ZSCAN30: variants seen among roughly 807,000 people sequenced by gnomAD.
ZSCAN30 encodes zinc finger and SCAN domain-containing protein 30.
A neutral mutation model predicts 44.3 loss-of-function variants in ZSCAN30; 37 were observed. The observed-to-expected ratio is 0.84, with a 90% CI of 0.64 to 1.10. ZSCAN30 has a LOEUF of 1.10. Ranked by LOEUF, ZSCAN30 falls within the 50% of genes least tolerant of loss-of-function variation. The pLI, the probability that ZSCAN30 is intolerant of heterozygous loss-of-function variation, is 0.00. For synonymous variants in ZSCAN30, 181 were observed against 204.6 expected (o/e 0.88, Z 0.98); for missense variants, 549 against 582.6 (o/e 0.94, Z 0.59).
intron 3 of ZSCAN30, chr18:35,257,579 A>G (rs559650076): frequency 3.5e-6 from 1 of 281,816 alleles, no homozygotes; most frequent in East Asian, 7.9e-5. Flanking sequence ...AGCACCTTGA[A>G]CTTCTCAGCC....
In ZSCAN30 at chr18:35,253,784, G is replaced by C; in HGVS notation, c.1151C>G (p.Pro384Arg). ...CTTCCCACATTCTCCACATTCATAA[G>C]GCTTCTCTCCAGTGTGGATTCTCCG... ...RHRRIHTGEKPYECGECGKAF... is the reference protein window; with the variant it reads ...RHRRIHTGEKRYECGECGKAF... Residue 384 changes from proline to arginine, a missense_variant, in exon 4 of 4, where the codon CCT becomes CGT. Transcript: ENST00000333206. 1 of 1,614,064 alleles carries C rather than the reference G, an allele frequency of 6.2e-7. No individual in the cohort carries two copies. Among genetic ancestry groups the C allele is most frequent in the Non-Finnish European group, 8.5e-7 (1 of 1,179,988 alleles).
At chr18:35,278,412 G>A (rs1277034770) in intron 1 of ZSCAN30, among the ~76,000 whole-genome samples, 1 of 152,108 alleles carries the variant, frequency 6.6e-6, no homozygotes, top group East Asian at 1.9e-4. Flanking sequence ...AGTGTTTCTG[G>A]TGATAGCATT....
chr18:35,252,574 C>T lies in ZSCAN30; in HGVS notation c.*876G>A, dbSNP rs946739299. The T allele has an allele frequency of 4.6e-5, 7 of 152,138 alleles. No homozygotes were observed. Among genetic ancestry groups the T allele is most frequent in the African/African-American group, 1.7e-4 (7 of 41,414 alleles). The allele number at this position is 152,138 out of a possible 1,614,324, so 9.4% of individuals were successfully genotyped here. A position where few individuals can be genotyped will look rare whatever the true frequency, so the allele number is the denominator to read the frequency against. ...GAGTCTTCATGGAGTGTCTCCAGATCCTGTTCTCTTCTCCCCTGCCCTTGC... is the reference window on the plus strand; with the variant it reads ...GAGTCTTCATGGAGTGTCTCCAGATTCTGTTCTCTTCTCCCCTGCCCTTGC... On this transcript the variant is annotated 3_prime_UTR_variant, in exon 4 of 4. Transcript: ENST00000333206.
intron 1 of ZSCAN30, among the ~76,000 whole-genome samples, chr18:35,273,076 G>GT (rs563823150): frequency 1.8e-4 from 28 of 152,294 alleles, no homozygotes; most frequent in South Asian, 1.2e-3. Context: ...GAGCCAAACC[G>GT]TATCAACTTC....
intron 1 of ZSCAN30, among the ~76,000 whole-genome samples, chr18:35,288,387 G>A (rs2044591038): frequency 1.3e-5 from 2 of 152,154 alleles, no homozygotes; most frequent in Non-Finnish European, 2.9e-5. Flanking sequence ...ACTCATGTTA[G>A]GAATGCAAAA....
At chr18:35,275,320 T>G (rs918960498) in intron 1 of ZSCAN30, among the ~76,000 whole-genome samples, 3 of 152,262 alleles carry the variant, frequency 2.0e-5, no homozygotes, top group Non-Finnish European at 2.9e-5. Context: ...TGATTAAGAA[T>G]ACATGAACAC....
chr18:35,273,378 T>C (rs1470595008), intron 1 of ZSCAN30, among the ~76,000 whole-genome samples: 1 of 152,262 alleles, frequency 6.6e-6, no homozygotes, highest in African/African-American at 2.4e-5. Context: ...CAGATTTTCC[T>C]TTCTTTTTAG....
chr18:35,262,308 T>C (rs755313765), intron 3 of ZSCAN30: 1 of 152,168 alleles, frequency 6.6e-6, no homozygotes, highest in Non-Finnish European at 1.5e-5. Context: ...AAAAGATTAA[T>C]GAGAACAAGC....
intron 1 of ZSCAN30, 186 bp downstream of exon 1, chr18:35,289,898 G>A (rs1334646763): frequency 6.6e-6 from 1 of 152,224 alleles, no homozygotes; most frequent in Non-Finnish European, 1.5e-5. Flanking sequence ...GCAGAAGTCA[G>A]TATTTTAACA....
intron 1 of ZSCAN30, among the ~76,000 whole-genome samples, chr18:35,276,515 C>G (rs1210888884): frequency 6.6e-6 from 1 of 152,160 alleles, no homozygotes; most frequent in Non-Finnish European, 1.5e-5. Flanking sequence ...GCCCTGCATC[C>G]TAGCCGCTCC....
intron 1 of ZSCAN30, among the ~76,000 whole-genome samples, chr18:35,272,049 C>T (rs544694750): frequency 1.1e-4 from 16 of 152,354 alleles, no homozygotes; most frequent in African/African-American, 3.4e-4. Context: ...AGCTCCCCCT[C>T]GGCCAGCCCA....
At chr18:35,269,671 AT>A (rs2044231663) in intron 1 of ZSCAN30, 1 of 152,088 alleles carries the variant, frequency 6.6e-6, no homozygotes, top group South Asian at 2.1e-4. Context: ...AGCAAGTAAA[AT>A]TTTCATTTCA....
In ZSCAN30 at chr18:35,254,250, A is replaced by C; in HGVS notation, c.685T>G (p.Leu229Val). The part of the protein sequence containing the change: ...THSQRIAEEA[L>V]GGLDNSKKQK... ...TTCTTAGAGTTGTCCAGACCTCCCAAAGCTTCTTCAGCTATCCGTTGGGAA... is the reference window on the plus strand; with the variant it reads ...TTCTTAGAGTTGTCCAGACCTCCCACAGCTTCTTCAGCTATCCGTTGGGAA... Residue 229 changes from leucine to valine, a missense_variant, in exon 4 of 4, where the codon TTG (leucine) becomes GTG (valine). By Grantham distance (32) the Leu-to-Val change is conservative (BLOSUM62 1). Coordinates refer to ENST00000333206, the MANE Select transcript of ZSCAN30 (RefSeq NM_001112734.4). 6.2e-7 allele frequency: 1 copy of C among 1,614,056 alleles called. No individual in the cohort carries two copies. Among genetic ancestry groups the C allele is most frequent in the Non-Finnish European group, 8.5e-7 (1 of 1,179,972 alleles).
intron 1 of ZSCAN30, chr18:35,269,686 A>G (rs2044231987): frequency 6.6e-6 from 1 of 152,180 alleles, no homozygotes; most frequent in African/African-American, 2.4e-5. Context: ...CATTTCATTG[A>G]ATTTTAATTA....
At chr18:35,285,838 A>T (rs977498647) in intron 1 of ZSCAN30, among the ~76,000 whole-genome samples, 4 of 152,142 alleles carry the variant, frequency 2.6e-5, no homozygotes, top group African/African-American at 9.6e-5. Context: ...AGCAAGGAGA[A>T]AAAAGGAAAT....
At chr18:35,261,686 C>T (rs1344072493) in intron 3 of ZSCAN30, 1 of 152,100 alleles carries the variant, frequency 6.6e-6, no homozygotes, top group Non-Finnish European at 1.5e-5. Context: ...AGTACAGACA[C>T]AGAGATATAG....
intron 1 of ZSCAN30, among the ~76,000 whole-genome samples, chr18:35,278,531 G>A (rs2044403877): frequency 6.6e-6 from 1 of 152,182 alleles, no homozygotes; most frequent in Admixed American, 6.5e-5. Flanking sequence ...CCTGGATTCT[G>A]CTGAAATAGT....
chr18:35,275,206 C>T (rs565680234), intron 1 of ZSCAN30, among the ~76,000 whole-genome samples: 10 of 152,308 alleles, frequency 6.6e-5, no homozygotes, highest in South Asian at 2.1e-4. Flanking sequence ...GGTTTTCATG[C>T]CAGCTCATTC....
chr18:35,263,520 C>G lies in ZSCAN30; in HGVS notation c.546G>C (p.Gln182His). 1 of 1,614,200 alleles carries G rather than the reference C, an allele frequency of 6.2e-7. No homozygotes were observed. The highest frequency in any genetic ancestry group is 1.1e-5 in the South Asian group (1 of 91,084). ...KTETQESQAF[Q>H]ERDGRMVAGK... ...TGGACTGGGGCTTCTCACCTCTCTC[C>G]TGGAAAGCCTGGGACTCCTGAGTCT... Residue 182 changes from glutamine to histidine, a missense_variant, in exon 3 of 4, where the codon CAG becomes CAC. Coordinates refer to ENST00000333206, the MANE Select transcript of ZSCAN30 (RefSeq NM_001112734.4).
Sources: allele counts gnomAD v4.1 joint callset (sites outside exome capture counted in the v4.1 genomes callset), GRCh38; gene constraint gnomAD v4.1.1; transcripts MANE v1.5; gene names NCBI Gene and HGNC (gene_info 2026-07-23, HGNC 2026-07-21).